Variants in ATP11C observed in about 807,000 individuals in gnomAD.
The protein encoded by ATP11C is phospholipid-transporting ATPase IG.
ATP11C carries 36 observed loss-of-function variants against 97.4 expected under a neutral mutation model. The ratio of observed to expected loss-of-function variants is 0.37; its 90% CI spans 0.28 to 0.49. The LOEUF is 0.49. Ranked by LOEUF, ATP11C falls within the 20% of genes least tolerant of loss-of-function variation. The pLI, the probability that ATP11C is intolerant of heterozygous loss-of-function variation, is 0.98. For synonymous variants in ATP11C, 275 were observed against 290.9 expected (o/e 0.95, Z 0.56); for missense variants, 730 against 824.6 (o/e 0.89, Z 1.40).
chrX:139,867,472 T>C (rs2084304916), intron 1 of ATP11C, among the ~76,000 whole-genome samples: 1 of 111,264 alleles, frequency 9.0e-6, no homozygotes, highest in Non-Finnish European at 1.9e-5. Context: ...TGCAATAGAT[T>C]TCCCCATGGC....
chrX:139,910,219 T>A (rs1013858554), intron 1 of ATP11C, among the ~76,000 whole-genome samples: 19 of 111,301 alleles, frequency 1.7e-4, no homozygotes, highest in African/African-American at 6.2e-4. Context: ...ATCCACCACC[T>A]ACAGTAAAAA....
intron 1 of ATP11C, among the ~76,000 whole-genome samples, chrX:139,910,287 A>C (rs2085052473): frequency 9.0e-6 from 1 of 111,316 alleles, no homozygotes; most frequent in Non-Finnish European, 1.9e-5. Flanking sequence ...TGAAGTCTTC[A>C]TCAGTATATC....
At chrX:139,836,649 A>C (rs2083755387) in intron 1 of ATP11C, among the ~76,000 whole-genome samples, 1 of 112,131 alleles carries the variant, frequency 8.9e-6, no homozygotes, top group African/African-American at 3.2e-5. Context: ...GTTTAAGTAC[A>C]AACTGACTAG....
At chrX:139,809,507 A>T (rs776135972) in intron 5 of ATP11C, among the ~76,000 whole-genome samples, 5 of 112,250 alleles carry the variant, frequency 4.5e-5, no homozygotes, top group Non-Finnish European at 9.4e-5. Flanking sequence ...AATAGAGGCC[A>T]CAAGGGGCTG....
At chrX:139,856,540 T>C (rs1299933289) in intron 1 of ATP11C, among the ~76,000 whole-genome samples, 1 of 112,533 alleles carries the variant, frequency 8.9e-6, no homozygotes, top group African/African-American at 3.2e-5. Flanking sequence ...CAATTGGCTA[T>C]CCCTTTCACC....
chrX:139,882,881 A>T (rs1290836499), intron 1 of ATP11C, among the ~76,000 whole-genome samples: 1 of 111,476 alleles, frequency 9.0e-6, no homozygotes, highest in Non-Finnish European at 1.9e-5. Context: ...CACCCCAAGG[A>T]GTGGTATGTG....
chrX:139,869,720 G>A (rs1035517019), intron 1 of ATP11C, among the ~76,000 whole-genome samples: 6 of 106,967 alleles, frequency 5.6e-5, no homozygotes, highest in Non-Finnish European at 1.2e-4. Flanking sequence ...CTTGAACCTG[G>A]GAGGTGGAGG....
At chrX:139,907,742 T>C (rs2085005290) in intron 1 of ATP11C, among the ~76,000 whole-genome samples, 1 of 108,208 alleles carries the variant, frequency 9.2e-6, no homozygotes, top group South Asian at 4.1e-4. Flanking sequence ...AGCGACACTC[T>C]GTCTCAAAAA....
At chrX:139,756,858 C>T (rs1172453238) in intron 23 of ATP11C, among the ~76,000 whole-genome samples, 3 of 108,010 alleles carry the variant, frequency 2.8e-5, no homozygotes, top group Non-Finnish European at 5.8e-5. Context: ...CAAAAAGCTA[C>T]CTATCAGGTA....
chrX:139,831,183 G>A (rs1360575991), intron 1 of ATP11C, among the ~76,000 whole-genome samples: 2 of 111,635 alleles, frequency 1.8e-5, no homozygotes, highest in African/African-American at 6.5e-5. Flanking sequence ...AGGAAGTGAA[G>A]CAAGACTGAT....
At chrX:139,876,508 T>C (rs2148032638) in intron 1 of ATP11C, among the ~76,000 whole-genome samples, 1 of 112,351 alleles carries the variant, frequency 8.9e-6, no homozygotes, top group South Asian at 3.7e-4. Flanking sequence ...CATCACATAC[T>C]GTAGCTTTGA....
chrX:139,907,248 T>C (rs2084994826), intron 1 of ATP11C, among the ~76,000 whole-genome samples: 1 of 111,972 alleles, frequency 8.9e-6, no homozygotes, highest in East Asian at 2.8e-4. Flanking sequence ...TACATTTCCC[T>C]GTCTCCCTTG....
rs201635387 is a variant in ATP11C at position 139,774,906 on chromosome X, C to T, written c.2000G>A (p.Gly667Asp). ...CCCAGTGAGCACCCAGACTTTCAGG[C>T]CTGCTGCATGCAGAGCTTCAATGGT... is the stretch of plus-strand genomic sequence containing the variant. ...AETIEALHAA[G>D]LKVWVLTGDK... The change falls in exon 19 of 30, where the codon GGC (glycine) becomes GAC (aspartate). Residue 667 changes from glycine (G) to aspartate (D), a missense_variant. Gly to Asp is a moderately conservative substitution (Grantham distance 94). Coordinates refer to ENST00000682941, the MANE Select transcript of ATP11C (RefSeq NM_001353812.2). 9.4e-5 allele frequency: 114 copies of T among 1,209,860 alleles called. No individual in the cohort carries two copies. The highest frequency in any genetic ancestry group is 1.1e-4 in the Non-Finnish European group (102 of 895,161).
chrX:139,850,140 A>C (rs1264425519), intron 1 of ATP11C, among the ~76,000 whole-genome samples: 1 of 111,833 alleles, frequency 8.9e-6, no homozygotes, highest in African/African-American at 3.3e-5. Context: ...TATAAAAAAT[A>C]ACTGAAAATG....
At chrX:139,921,254 C>T (rs1231763689) in intron 1 of ATP11C, among the ~76,000 whole-genome samples, 4 of 111,433 alleles carry the variant, frequency 3.6e-5, no homozygotes. Context: ...CCCCATAATA[C>T]CCACCTGTCA....
intron 1 of ATP11C, among the ~76,000 whole-genome samples, chrX:139,836,514 AAAACAAAAAC>A (rs2083752702): frequency 8.9e-6 from 1 of 111,767 alleles, no homozygotes; most frequent in African/African-American, 3.3e-5. Context: ...GACTCTCTCC[AAAACAAAAAC>A]AAACAAAAAC....
chrX:139,738,013 A>G lies in ATP11C; in HGVS notation c.3191T>C (p.Val1064Ala), dbSNP rs890191882. ...AAGAATTATAGCCAACCATGTGGAT[A>G]CAGAAGACAGCATTTGGGCAAATAC... ...YFVFAQMLSS[V>A]STWLAIILLI... The change falls in exon 28 of 30, where the codon GTA becomes GCA. Residue 1064 changes from valine (V) to alanine (A), a missense_variant. Physicochemically the swap from Val to Ala is moderately conservative, Grantham distance 64 (BLOSUM62 0). Coordinates refer to ENST00000682941, the MANE Select transcript of ATP11C (RefSeq NM_001353812.2). 2.7e-5 allele frequency: 32 copies of G among 1,204,320 alleles called. No homozygotes were observed. The highest frequency in any genetic ancestry group is 3.5e-5 in the Non-Finnish European group (31 of 891,596).
chrX:139,785,715 T>C (rs780900360), intron 15 of ATP11C, among the ~76,000 whole-genome samples: 1 of 111,240 alleles, frequency 9.0e-6, no homozygotes, highest in Non-Finnish European at 1.9e-5. Flanking sequence ...CTTATGCGGG[T>C]CACCATATGA....
rs1319324253 is a variant in ATP11C, at chrX:139,798,975, C to CA, written c.711-233dup. ...GGGAGTAGCCAGCAACACACATAGG[C>CA]AAAAAAAATACATGGGGGGGGATAA... On this transcript the variant is annotated intron_variant, in intron 8 of 29. Coordinates refer to ENST00000682941, the MANE Select transcript of ATP11C (RefSeq NM_001353812.2). 1.0e-4 allele frequency among the ~76,000 whole-genome samples: 11 copies of CA among 107,998 alleles called. No homozygotes were observed. The East Asian group carries it at 2.9e-3, about 29-fold the overall frequency. 93.8% of individuals were successfully genotyped at this position (107,998 alleles called of 115,157 possible). A position where few individuals can be genotyped will look rare whatever the true frequency, so the allele number is the denominator to read the frequency against.
Sources: allele counts gnomAD v4.1 joint callset (sites outside exome capture counted in the v4.1 genomes callset), GRCh38; gene constraint gnomAD v4.1.1; transcripts MANE v1.5; gene names NCBI Gene and HGNC (gene_info 2026-07-23, HGNC 2026-07-21).